ERO1B: variants seen among roughly 807,000 people sequenced by gnomAD.
The protein encoded by ERO1B is endoplasmic reticulum oxidoreductase 1 beta.
In ERO1B, 49 loss-of-function variants were observed where a neutral mutation model predicts 75.3. The ratio of observed to expected loss-of-function variants is 0.65; its 90% CI spans 0.52 to 0.83. ERO1B has a LOEUF of 0.83. ERO1B is among the 40% of genes least tolerant of loss of function. ERO1B has a pLI of 0.00. For missense variants in ERO1B, 512 were observed against 560.1 expected, an observed-to-expected ratio of 0.91 and a Z score of 0.87; for synonymous variants, 191 against 192.9, an observed-to-expected ratio of 0.99 and a Z score of 0.08.
chr1:236,240,195 G>A (rs1018711695), intron 6 of ERO1B, among the ~76,000 whole-genome samples: 8 of 152,118 alleles, frequency 5.3e-5, no homozygotes, highest in South Asian at 2.1e-4. Flanking sequence ...ATGGGCCACC[G>A]TGCCTGGCCT....
chr1:236,256,117 T>C (rs775120076), intron 2 of ERO1B, among the ~76,000 whole-genome samples: 3 of 152,080 alleles, frequency 2.0e-5, no homozygotes, highest in Non-Finnish European at 2.9e-5. Flanking sequence ...ATCCCAGCCA[T>C]CCACTCTCTC....
intron 2 of ERO1B, among the ~76,000 whole-genome samples, chr1:236,254,120 G>A (rs1164556577): frequency 6.6e-6 from 1 of 152,124 alleles, no homozygotes; most frequent in Non-Finnish European, 1.5e-5. Flanking sequence ...GGGGGAGGGT[G>A]GCAGAGAACG....
Position 236,251,190 on chromosome 1 carries a change from ATAT to A in ERO1B, c.348+857_348+859del, listed in dbSNP as rs1453334788. Reference sequence around the variant, plus strand: ...GTTTGTAACCTAAAGAAATAGAAAAATATTATTAATATTATTTAAATTAAAAAA... The same window carrying A: ...GTTTGTAACCTAAAGAAATAGAAAAATATTAATATTATTTAAATTAAAAAA... On this transcript the variant is annotated intron_variant, in intron 4 of 15. Transcript: ENST00000354619. 2.0e-5 allele frequency among the ~76,000 whole-genome samples: 3 copies of A among 149,550 alleles called. 1 individual carries two copies. The highest frequency in any genetic ancestry group is 4.4e-5 in the Non-Finnish European group (3 of 67,796).
At position 236,236,407 on chromosome 1, in the gene ERO1B, G is replaced by A; in HGVS notation, c.506-9C>T. On this transcript the variant is annotated splice_polypyrimidine_tract_variant and intron_variant, in intron 6 of 15. Coordinates refer to ENST00000354619, the MANE Select transcript of ERO1B (RefSeq NM_019891.4). ...AGCTGGAGATCTCTCATCTGAACAA[G>A]AAAAAATTCATAAAAACCATCCATA... 6.2e-7 allele frequency: 1 copy of A among 1,612,278 alleles called. No homozygotes were observed. The highest frequency in any genetic ancestry group is 8.5e-7 in the Non-Finnish European group (1 of 1,179,464).
rs775260319 is a variant in ERO1B, at chr1:236,218,540, T to G, written c.1380A>C (p.Lys460Asn). Residue 460 changes from lysine (K) to asparagine (N), a missense_variant, in exon 16 of 16, where the codon AAA becomes AAC. Lys to Asn is a moderately conservative substitution (Grantham distance 94). Transcript: ENST00000354619. ...ATTACCTACTGTGTTGTAATAAGACTTTAAAATTCTGTAAGTCTCTTATAC... is the reference window on the plus strand; with the variant it reads ...ATTACCTACTGTGTTGTAATAAGACGTTAAAATTCTGTAAGTCTCTTATAC... ...STSIRDLQNF[K>N]VLLQHSR 3 of 1,413,310 alleles carry G rather than the reference T, an allele frequency of 2.1e-6. No homozygotes were observed. The South Asian group carries it at 5.0e-5, about 24-fold the overall frequency. 87.5% of individuals were successfully genotyped at this position (1,413,310 alleles called of 1,614,324 possible).
rs749574107 is a variant in ERO1B at position 236,230,235 on chromosome 1, G to A, written c.701C>T (p.Thr234Ile). The A allele has an allele frequency of 3.3e-5, 52 of 1,592,418 alleles. 2 individuals are homozygous for A. The South Asian group carries it at 5.8e-4, about 18-fold the overall frequency. Residue 234 changes from threonine to isoleucine, a missense_variant, in exon 10 of 16, where the codon ACA (threonine) becomes ATA (isoleucine). Physicochemically the swap from Thr to Ile is moderately conservative, Grantham distance 89. Transcript: ENST00000354619. ...AACAGACTGTTTACCTTCTAGCCAT[G>A]TGTAGAATGATTCTCCTGAGAGAGA... ...RGEDDGESFY[T>I]WLEGLCLEKR...
intron 2 of ERO1B, chr1:236,267,991 T>C (rs1665489431): frequency 6.6e-6 from 1 of 152,054 alleles, no homozygotes; most frequent in African/African-American, 2.4e-5. Context: ...AAGAAGCACA[T>C]GTCTTATTCA....
intron 4 of ERO1B, among the ~76,000 whole-genome samples, chr1:236,250,576 T>C (rs1174676767): frequency 1.7e-4 from 4 of 23,254 alleles, no homozygotes; most frequent in African/African-American, 7.5e-4. Context: ...TTTGACCATA[T>C]ATATATATAT....
chr1:236,227,703 A>C (rs1664311820), intron 10 of ERO1B, among the ~76,000 whole-genome samples: 1 of 152,098 alleles, frequency 6.6e-6, no homozygotes, highest in Non-Finnish European at 1.5e-5. Context: ...TTTTAATGTA[A>C]GAGTATGTGG....
At chr1:236,250,142 C>A (rs1382231625) in intron 4 of ERO1B, among the ~76,000 whole-genome samples, 175 bp from the exon 5 acceptor site, 2 of 152,052 alleles carry the variant, frequency 1.3e-5, no homozygotes, top group East Asian at 3.8e-4. Flanking sequence ...GAAATTTCCA[C>A]CAACTAAATA....
intron 3 of ERO1B, 119 bp downstream of exon 3, chr1:236,253,303 C>T: frequency 1.6e-6 from 1 of 639,274 alleles, no homozygotes; most frequent in Non-Finnish European, 2.8e-6. Flanking sequence ...GAGCTGAGAG[C>T]ATATGAATTT....
At chr1:236,253,168 T>C (rs1665077172) in intron 3 of ERO1B, among the ~76,000 whole-genome samples, 1 of 152,180 alleles carries the variant, frequency 6.6e-6, no homozygotes, top group African/African-American at 2.4e-5. Context: ...GGCCTCTGAT[T>C]TTCCTTCCAT....
intron 15 of ERO1B, among the ~76,000 whole-genome samples, chr1:236,219,009 A>G (rs971353874): frequency 6.6e-6 from 1 of 152,134 alleles, no homozygotes; most frequent in Non-Finnish European, 1.5e-5. Context: ...ATACCCATTG[A>G]TGCTTATAGT....
chr1:236,224,435 G>C (rs908553175), intron 13 of ERO1B, among the ~76,000 whole-genome samples: 16 of 148,220 alleles, frequency 1.1e-4, no homozygotes, highest in Non-Finnish European at 1.9e-4. Flanking sequence ...GGGCAACATA[G>C]CGAGACCCCA....
intron 13 of ERO1B, among the ~76,000 whole-genome samples, chr1:236,222,512 C>A (rs1664176726): frequency 8.3e-6 from 1 of 120,946 alleles, no homozygotes; most frequent in Non-Finnish European, 1.7e-5. Context: ...AAAATTCATT[C>A]TGCATATTAA....
At position 236,236,267 on chromosome 1, in the gene ERO1B, C is replaced by T. The variant is rs182596744; in HGVS notation, c.626+11G>A. ...TCAGTCGTTCCTTCTTCCCCCACCC[C>T]CTCCAGTTACTTGAAACAGTTCTCT... is the stretch of plus-strand genomic sequence containing the variant. On this transcript the variant is annotated intron_variant, in intron 7 of 15. Transcript: ENST00000354619. The T allele has an allele frequency of 3.1e-6, 5 of 1,613,480 alleles. No individual in the cohort carries two copies. Among genetic ancestry groups the T allele is most frequent in the Non-Finnish European group, 4.2e-6 (5 of 1,179,738 alleles).
intron 2 of ERO1B, among the ~76,000 whole-genome samples, chr1:236,258,589 A>T (rs1665220985): frequency 6.6e-6 from 1 of 152,190 alleles, no homozygotes; most frequent in African/African-American, 2.4e-5. Context: ...TAGCAATATT[A>T]AAAACATATG....
At chr1:236,250,078 A>G (rs1664979232) in intron 4 of ERO1B, 111 bp from the exon 5 acceptor site, 1 of 563,846 alleles carries the variant, frequency 1.8e-6, no homozygotes, top group East Asian at 3.4e-5. Context: ...ATATACATAC[A>G]TTCCATTATA....
chr1:236,235,613 T>C (rs993489490), intron 8 of ERO1B, among the ~76,000 whole-genome samples, 176 bp downstream of exon 8: 3 of 152,252 alleles, frequency 2.0e-5, no homozygotes, highest in East Asian at 1.9e-4. Flanking sequence ...ACAGTAATTA[T>C]GTAAAACAAC....
Sources: allele counts gnomAD v4.1 joint callset (sites outside exome capture counted in the v4.1 genomes callset), GRCh38; gene constraint gnomAD v4.1.1; transcripts MANE v1.5; gene names NCBI Gene and HGNC (gene_info 2026-07-23, HGNC 2026-07-21).